CHD9: variants seen among roughly 807,000 people sequenced by gnomAD.
CHD9 encodes the protein ATP-dependent chromatin remodeler CHD9.
A neutral mutation model predicts 316.1 loss-of-function variants in CHD9; 77 were observed. The ratio of observed to expected loss-of-function variants is 0.24; its 90% CI spans 0.20 to 0.29. The LOEUF is 0.29. Among genes scored for constraint, CHD9 ranks in the 10% least tolerant of loss-of-function variants. CHD9 has a pLI of 1.00. For missense variants in CHD9, 2,763 were observed against 3,438.1 expected (o/e 0.80, Z 4.91); for synonymous variants, 1,129 against 1,158.3 (o/e 0.97, Z 0.51).
At position 53,314,219 on chromosome 16, in the gene CHD9, T is replaced by TA. The variant is rs1358084120; in HGVS notation, c.7223-155dup. Among the ~76,000 whole-genome samples the TA allele has an allele frequency of 2.0e-5, 3 of 152,268 alleles. No homozygotes were observed. In the East Asian group the frequency reaches 5.8e-4, roughly 29 times the overall value. The stretch of plus-strand genomic sequence containing the variant: ...CCTAGGTTGTAATTCTTCAGGTTTT[T>TA]AAATGAGAGGTGGGGATGATATTTT... On this transcript the variant is annotated intron_variant, in intron 34 of 38. Coordinates refer to ENST00000447540, the MANE Select transcript of CHD9 (RefSeq NM_001308319.2).
chr16:53,091,822 C>T (rs2035968811), intron 1 of CHD9, among the ~76,000 whole-genome samples: 1 of 152,110 alleles, frequency 6.6e-6, no homozygotes, highest in Admixed American at 6.5e-5. Flanking sequence ...CTTCCTCCCT[C>T]CCTCCCTTCC....
intron 22 of CHD9, among the ~76,000 whole-genome samples, chr16:53,272,530 GCAAAA>G (rs1033467560): frequency 2.0e-5 from 3 of 152,010 alleles, no homozygotes; most frequent in Non-Finnish European, 4.4e-5. Context: ...AAAATTACAA[GCAAAA>G]CAGCTCAAAT....
chr16:53,142,308 C>T (rs1220657789), intron 1 of CHD9, among the ~76,000 whole-genome samples: 3 of 152,188 alleles, frequency 2.0e-5, no homozygotes, highest in Non-Finnish European at 4.4e-5. Context: ...CATCATGTCA[C>T]CCAGGCTGGT....
chr16:53,314,089 T>C (rs2056694794), intron 34 of CHD9, among the ~76,000 whole-genome samples: 1 of 151,500 alleles, frequency 6.6e-6, no homozygotes, highest in African/African-American at 2.4e-5. Context: ...AAAGGGGAAA[T>C]GTTTATCTTA....
At chr16:53,078,233 T>C (rs1266269789) in intron 1 of CHD9, among the ~76,000 whole-genome samples, 2 of 152,238 alleles carry the variant, frequency 1.3e-5, no homozygotes, top group Non-Finnish European at 2.9e-5. Context: ...GTGTTGAAAT[T>C]TAATTGCCAT....
At chr16:53,064,846 G>C (rs535458980) in intron 1 of CHD9, among the ~76,000 whole-genome samples, 4 of 152,200 alleles carry the variant, frequency 2.6e-5, no homozygotes, top group Admixed American at 2.6e-4. Context: ...GCACATGCCT[G>C]TAATCACAGC....
intron 1 of CHD9, among the ~76,000 whole-genome samples, chr16:53,096,836 T>TAAGGTGGTCC (rs2036417470): frequency 6.6e-6 from 1 of 152,172 alleles, no homozygotes; most frequent in South Asian, 2.1e-4. Context: ...TGAAGAGTAC[T>TAAGGTGGTCC]AAGGTGGTCC....
intron 2 of CHD9, among the ~76,000 whole-genome samples, chr16:53,170,578 C>CGT (rs10593955): frequency 0.067 from 9,336 of 140,198 alleles, 387 homozygotes; most frequent in African/African-American, 0.12. Context: ...TTTGTAATTT[C>CGT]GTGTGTGTGT....
intron 24 of CHD9, among the ~76,000 whole-genome samples, chr16:53,274,753 GC>G (rs1244815674): frequency 6.6e-6 from 1 of 151,878 alleles, no homozygotes; most frequent in African/African-American, 2.4e-5. Context: ...GAGCCACCAC[GC>G]CCAGCCTATT....
In CHD9 at chr16:53,245,733, A is replaced by C; in HGVS notation, c.3337A>C (p.Ile1113Leu). ...TATTCAAAAGAAATACTACCGGGCT[A>C]TCTTGGAAAAGAACTTTTCTTTTTT... ...TNIQKKYYRA[I>L]LEKNFSFLSK... The change falls in exon 15 of 39, where the codon ATC becomes CTC. Residue 1113 changes from isoleucine to leucine, a missense_variant. Transcript: ENST00000447540. The surrounding 1 kb of genome is among the most constrained non-coding windows in gnomAD (Gnocchi z 4.1). 9.9e-6 allele frequency: 16 copies of C among 1,611,634 alleles called. No homozygotes were observed. Among genetic ancestry groups the C allele is most frequent in the Non-Finnish European group, 1.3e-5 (15 of 1,179,166 alleles).
chr16:53,305,517 G>A (rs74359596), intron 31 of CHD9, among the ~76,000 whole-genome samples: 419 of 152,330 alleles, frequency 2.8e-3, no homozygotes, highest in African/African-American at 9.5e-3. Context: ...GTTTATTTGT[G>A]ATTGTCTTAA....
intron 1 of CHD9, among the ~76,000 whole-genome samples, chr16:53,128,223 T>C (rs1229620355): frequency 6.6e-6 from 1 of 151,972 alleles, no homozygotes; most frequent in African/African-American, 2.4e-5. Flanking sequence ...CGTTCTGTCA[T>C]CCAGGATGGA....
intron 36 of CHD9, among the ~76,000 whole-genome samples, chr16:53,317,446 G>A (rs1192305190): frequency 1.3e-5 from 2 of 152,126 alleles, no homozygotes; most frequent in African/African-American, 4.8e-5. Context: ...AGCATGGTTT[G>A]ATTGGATGAG....
chr16:53,100,453 C>CTTTTTTTTTTTT (rs61450186), intron 1 of CHD9, among the ~76,000 whole-genome samples: 3 of 129,640 alleles, frequency 2.3e-5, no homozygotes, highest in Admixed American at 8.1e-5. Context: ...ACTCATTCGT[C>CTTTTTTTTTTTT]TTTTTTTTTT....
intron 7 of CHD9, among the ~76,000 whole-genome samples, chr16:53,228,013 G>T (rs548462514): frequency 1.0e-3 from 155 of 152,050 alleles, no homozygotes; most frequent in Admixed American, 9.8e-3. Context: ...TTGAAGCCAG[G>T]AGGTGGAGGT....
At chr16:53,170,426 A>C (rs1597264680) in intron 2 of CHD9, among the ~76,000 whole-genome samples, 1 of 152,192 alleles carries the variant, frequency 6.6e-6, no homozygotes, top group African/African-American at 2.4e-5. Flanking sequence ...GTGCTATTTT[A>C]ACAGATGCTC....
chr16:53,155,858 G>T, intron 1 of CHD9, 68 bp from the exon 2 acceptor site: 1 of 480,378 alleles, frequency 2.1e-6, no homozygotes, highest in East Asian at 3.5e-5. Flanking sequence ...TGTTTTCAGA[G>T]TTCATTTTTG....
chr16:53,142,683 G>T (rs1444637490), intron 1 of CHD9, among the ~76,000 whole-genome samples: 1 of 152,206 alleles, frequency 6.6e-6, no homozygotes, highest in East Asian at 1.9e-4. Flanking sequence ...CCACACCTAA[G>T]CTCCTTCAAC....
chr16:53,321,495 T>A (rs924223397), intron 37 of CHD9, 31 bp from the exon 38 acceptor site: 1 of 1,513,504 alleles, frequency 6.6e-7, no homozygotes, highest in African/African-American at 1.4e-5. Context: ...TGTAACAGTG[T>A]TGTAGTATTT....
Sources: allele counts gnomAD v4.1 joint callset (sites outside exome capture counted in the v4.1 genomes callset), GRCh38; gene constraint gnomAD v4.1.1; non-coding constraint Gnocchi (gnomAD v3.1); transcripts MANE v1.5; gene names NCBI Gene and HGNC (gene_info 2026-07-23, HGNC 2026-07-21).